The following GDPD4 variants were observed in gnomAD, a reference collection of about 807,000 sequenced individuals.
GDPD4 encodes the protein glycerophosphodiester phosphodiesterase domain containing 4.
A neutral mutation model predicts 67.8 loss-of-function variants in GDPD4; 60 were observed. That is an observed-to-expected ratio of 0.88 (90% confidence interval 0.72 to 1.10). The LOEUF is 1.10. Among genes scored for constraint, GDPD4 ranks in the 50% least tolerant of loss-of-function variants. GDPD4 has a pLI of 0.00. For missense variants in GDPD4, 623 were observed against 613.9 expected (o/e 1.01, Z -0.16); for synonymous variants, 212 against 210.9 (o/e 1.00, Z -0.04).
At chr11:77,222,049 C>T (rs889084593) in intron 16 of GDPD4, among the ~76,000 whole-genome samples, 5 of 151,984 alleles carry the variant, frequency 3.3e-5, no homozygotes, top group Non-Finnish European at 5.9e-5. Flanking sequence ...GATTGCAACC[C>T]CTGCTTTTTT....
At chr11:77,289,058 A>G (rs1359613478) in intron 1 of GDPD4, among the ~76,000 whole-genome samples, 4 of 151,454 alleles carry the variant, frequency 2.6e-5, no homozygotes, top group African/African-American at 9.7e-5. Context: ...AGAGAAAGAA[A>G]GAGAAGGAAA....
intron 11 of GDPD4, 94 bp downstream of exon 11, chr11:77,258,292 C>CGG: frequency 8.5e-7 from 1 of 1,179,234 alleles, no homozygotes; most frequent in Non-Finnish European, 1.3e-6. Flanking sequence ...TGGATACTTG[C>CGG]CTATCTTCAT....
At chr11:77,266,483 A>G (rs534700321) in intron 10 of GDPD4, among the ~76,000 whole-genome samples, 71 of 152,340 alleles carry the variant, frequency 4.7e-4, no homozygotes, top group Non-Finnish European at 9.0e-4. Flanking sequence ...TATATTTACT[A>G]CACTACACTT....
chr11:77,236,151 T>G (rs779864310), intron 13 of GDPD4, among the ~76,000 whole-genome samples: 2 of 152,150 alleles, frequency 1.3e-5, no homozygotes, highest in Non-Finnish European at 2.9e-5. Flanking sequence ...GAACTAAATT[T>G]TTTTTTCAGG....
At position 77,285,126 on chromosome 11, in the gene GDPD4, G is replaced by A. The variant is rs975272968; in HGVS notation, c.12C>T (p.Phe4=). The A allele has an allele frequency of 5.6e-6, 9 of 1,611,448 alleles. No individual in the cohort carries two copies. The highest frequency in any genetic ancestry group is 5.1e-6 in the Non-Finnish European group (6 of 1,177,914). The change falls in exon 3 of 17, where the codon TTC becomes TTT. Residue 4 remains phenylalanine (F), a synonymous_variant. Coordinates refer to ENST00000315938, the MANE Select transcript of GDPD4 (RefSeq NM_182833.3). MLL[F]LWIETSSEYF... is the part of the protein sequence containing the mutation. ...ATTCACTGGATGTTTCTATCCACAG[G>A]AACAGCAACATCAGAGACAAGACAA...
Position 77,288,442 on chromosome 11 carries a change from G to A in GDPD4, c.-253-1022C>T, listed in dbSNP as rs1158492295. The stretch of plus-strand genomic sequence containing the variant: ...CCTGCCACCACCACCACTGGGGCCT[G>A]AGGATTGGCCTGCCTGATTTCCCCA... On this transcript the variant is annotated intron_variant, in intron 1 of 16. Transcript: ENST00000315938. Among the ~76,000 whole-genome samples, 5 of 152,160 alleles carry A rather than the reference G, an allele frequency of 3.3e-5. No individual in the cohort carries two copies. In the South Asian group the frequency reaches 8.3e-4, roughly 25 times the overall value.
intron 11 of GDPD4, among the ~76,000 whole-genome samples, chr11:77,252,067 T>TTG (rs1958914157): frequency 2.2e-5 from 1 of 45,274 alleles, no homozygotes; most frequent in Non-Finnish European, 1.1e-4. Context: ...TTTTTTTTGT[T>TTG]TTTTTTTTTT....
intron 10 of GDPD4, among the ~76,000 whole-genome samples, chr11:77,267,209 G>C (rs549913000): frequency 6.6e-6 from 1 of 152,230 alleles, no homozygotes; most frequent in Non-Finnish European, 1.5e-5. Context: ...CAGGCTTGCA[G>C]CCGAAGAGTA....
At chr11:77,284,256 G>T (rs1344273420) in intron 3 of GDPD4, among the ~76,000 whole-genome samples, 1 of 152,098 alleles carries the variant, frequency 6.6e-6, no homozygotes, top group Non-Finnish European at 1.5e-5. Context: ...TTCATTAGGA[G>T]TTTAAAAATT....
chr11:77,231,212 G>T (rs1419381542), intron 14 of GDPD4, among the ~76,000 whole-genome samples: 1 of 152,148 alleles, frequency 6.6e-6, no homozygotes. Context: ...ATTTTTAAAT[G>T]ATTCCTCACT....
At chr11:77,279,564 T>G (rs896363729) in intron 3 of GDPD4, among the ~76,000 whole-genome samples, 165 bp from the exon 4 acceptor site, 4 of 129,854 alleles carry the variant, frequency 3.1e-5, no homozygotes, top group African/African-American at 1.0e-4. Context: ...TGAGGAGTTT[T>G]AAAGTTGTGT....
chr11:77,286,677 A>C (rs1211981503), intron 2 of GDPD4, among the ~76,000 whole-genome samples: 1 of 152,230 alleles, frequency 6.6e-6, no homozygotes, highest in East Asian at 1.9e-4. Flanking sequence ...AGCTCACCAA[A>C]GGGTTCCAAC....
chr11:77,237,724 A>G (rs1179367647), intron 13 of GDPD4, among the ~76,000 whole-genome samples: 3 of 152,234 alleles, frequency 2.0e-5, no homozygotes, highest in South Asian at 2.1e-4. Context: ...CTAATGAGAA[A>G]TGAGAAAACT....
chr11:77,234,638 G>A (rs1958515586), intron 13 of GDPD4, among the ~76,000 whole-genome samples: 1 of 152,110 alleles, frequency 6.6e-6, no homozygotes, highest in Non-Finnish European at 1.5e-5. Flanking sequence ...TTAGAATAAT[G>A]GCCTCCAGCT....
intron 10 of GDPD4, among the ~76,000 whole-genome samples, chr11:77,262,453 C>G (rs1959137719): frequency 6.6e-6 from 1 of 152,162 alleles, no homozygotes. Context: ...AAGTATTAAT[C>G]AGGCTTCATT....
chr11:77,227,858 C>A lies in GDPD4; in HGVS notation c.1525+6G>T. On this transcript the variant is annotated splice_donor_region_variant and intron_variant, in intron 16 of 16. Coordinates refer to ENST00000315938, the MANE Select transcript of GDPD4 (RefSeq NM_182833.3). Reference sequence around the variant, plus strand: ...AGACAGGAGTGGGCTAGGCCTCTGACTTTACCTGTGCGAGTGCTGGAGGTT... The same window carrying A: ...AGACAGGAGTGGGCTAGGCCTCTGAATTTACCTGTGCGAGTGCTGGAGGTT... 1 of 1,611,046 alleles carries A rather than the reference C, an allele frequency of 6.2e-7. No homozygotes were observed. The highest frequency in any genetic ancestry group is 8.5e-7 in the Non-Finnish European group (1 of 1,177,324).
At chr11:77,242,238 T>C (rs916786826) in intron 13 of GDPD4, among the ~76,000 whole-genome samples, 2 of 152,212 alleles carry the variant, frequency 1.3e-5, no homozygotes, top group Admixed American at 6.5e-5. Flanking sequence ...TCATTCCATA[T>C]TGTGTAAATA....
In GDPD4 at chr11:77,252,054, GT is replaced by G. The variant is rs112521564; in HGVS notation, c.864+6331del. Among the ~76,000 whole-genome samples, 17 of 42,340 alleles carry G rather than the reference GT, an allele frequency of 4.0e-4. No individual in the cohort carries two copies. In the East Asian group the frequency reaches 4.3e-3, roughly 11 times the overall value. The allele number at this position is 42,340 out of a possible 152,430, so 27.8% of individuals were successfully genotyped here. A position where few individuals can be genotyped will look rare whatever the true frequency, so the allele number is the denominator to read the frequency against. On this transcript the variant is annotated intron_variant, in intron 11 of 16. Coordinates refer to ENST00000315938, the MANE Select transcript of GDPD4 (RefSeq NM_182833.3). ...TCCATTTGGGTTTTTTTGTTTGTTT[GT>G]TTTTTTTTTGTTTTTTTTTTTTTTT... is the stretch of plus-strand genomic sequence containing the variant.
chr11:77,235,390 T>A (rs1958542244), intron 13 of GDPD4, among the ~76,000 whole-genome samples: 1 of 151,442 alleles, frequency 6.6e-6, no homozygotes. Context: ...GAAAAAAAAA[T>A]AGTGTGAGAG....
Sources: allele counts gnomAD v4.1 joint callset (sites outside exome capture counted in the v4.1 genomes callset), GRCh38; gene constraint gnomAD v4.1.1; transcripts MANE v1.5; gene names NCBI Gene and HGNC (gene_info 2026-07-23, HGNC 2026-07-21).